MBD5: variants seen among roughly 807,000 people sequenced by gnomAD.
MBD5 encodes the protein methyl-CpG-binding domain protein 5.
MBD5 carries 13 observed loss-of-function variants against 117.3 expected under a neutral mutation model. The observed-to-expected ratio is 0.11, with a 90% confidence interval of 0.07 to 0.18. The LOEUF is 0.18. Ranked by LOEUF, MBD5 falls within the 10% of genes least tolerant of loss-of-function variation. The pLI is 1.00. For synonymous variants in MBD5, 727 were observed against 766.4 expected, an observed-to-expected ratio of 0.95 and a Z score of 0.85; for missense variants, 1,879 against 2,093.8, an observed-to-expected ratio of 0.90 and a Z score of 2.00.
rs1278795890 is a variant in MBD5 at position 148,412,280 on chromosome 2, G to T, written c.-556-45923G>T. ...GCCTTGTAGTATACTTTTTGTGTGT[G>T]TGTGTGTGTGTGTGTGTGTGTGTAG... On this transcript the variant is annotated intron_variant, in intron 4 of 13. Coordinates refer to ENST00000642680, the MANE Select transcript of MBD5 (RefSeq NM_001378120.1). 6.4e-3 allele frequency among the ~76,000 whole-genome samples: 970 copies of T among 150,938 alleles called. 10 individuals carry two copies. The highest frequency in any genetic ancestry group is 0.023 in the African/African-American group (926 of 40,852).
chr2:148,300,287 A>G lies in MBD5; in HGVS notation c.-679-41927A>G, dbSNP rs1326502751. On this transcript the variant is annotated intron_variant, in intron 3 of 13. Transcript: ENST00000642680. ...GCCAGGCTGGTCTCGAACTCCTGAC[A>G]TATCATCCACCTGCCTTGGCCTTCC... is the stretch of plus-strand genomic sequence containing the variant. Among the ~76,000 whole-genome samples the G allele has an allele frequency of 2.6e-5, 4 of 152,166 alleles. No homozygotes were observed. The East Asian group carries it at 7.7e-4, about 29-fold the overall frequency.
At chr2:148,330,033 A>ACCCCCCCCCCCCCCCCCCCCCCCCCCCCC (rs56712549) in intron 3 of MBD5, among the ~76,000 whole-genome samples, 1 of 17,690 alleles carries the variant, frequency 5.7e-5, no homozygotes, top group Non-Finnish European at 1.1e-4. Context: ...GTAGGTAAGA[A>ACCCCCCCCCCCCCCCCCCCCCCCCCCCCC]CCCCCCCCCG....
In MBD5 at chr2:148,485,840, C is replaced by A. The variant is rs770837583; in HGVS notation, c.3643C>A (p.Gln1215Lys). The A allele has an allele frequency of 1.2e-6, 2 of 1,614,110 alleles. No individual in the cohort carries two copies. The highest frequency in any genetic ancestry group is 2.2e-5 in the South Asian group (2 of 91,082). The stretch of plus-strand genomic sequence containing the variant: ...TCAGATGTTTCCTCCAAATCAGCAA[C>A]AGCAGCAACTTCTCCAGGGGTACCA... ...NNQMFPPNQQQQQLLQGYQNL... is the reference protein window; with the variant it reads ...NNQMFPPNQQKQQLLQGYQNL... Residue 1215 changes from glutamine to lysine, a missense_variant, in exon 10 of 14, where the codon CAG becomes AAG. Coordinates refer to ENST00000642680, the MANE Select transcript of MBD5 (RefSeq NM_001378120.1).
intron 7 of MBD5, among the ~76,000 whole-genome samples, chr2:148,467,792 A>G (rs767760958): frequency 1.3e-5 from 2 of 152,192 alleles, no homozygotes; most frequent in Non-Finnish European, 2.9e-5. Context: ...ATATTACGGT[A>G]TCTGTTCTGA....
At chr2:148,123,306 T>C (rs1696812487) in intron 1 of MBD5, among the ~76,000 whole-genome samples, 2 of 152,182 alleles carry the variant, frequency 1.3e-5, no homozygotes, top group Non-Finnish European at 2.9e-5. Context: ...ATGATATGAA[T>C]TGACATGAAG....
At chr2:148,473,399 A>G (rs1463478958) in intron 8 of MBD5, among the ~76,000 whole-genome samples, 1 of 152,146 alleles carries the variant, frequency 6.6e-6, no homozygotes, top group African/African-American at 2.4e-5. Context: ...CAAGCATGGT[A>G]GCACAGTGAG....
At chr2:148,109,109 A>G (rs1165972050) in intron 1 of MBD5, among the ~76,000 whole-genome samples, 1 of 152,156 alleles carries the variant, frequency 6.6e-6, no homozygotes, top group Admixed American at 6.5e-5. Flanking sequence ...TTGGCAATGT[A>G]TGTCCAAATT....
intron 1 of MBD5, among the ~76,000 whole-genome samples, chr2:148,065,839 A>G (rs930344332): frequency 6.6e-6 from 1 of 152,252 alleles, no homozygotes; most frequent in Non-Finnish European, 1.5e-5. Context: ...CCTGGAATAT[A>G]TACAAAACAA....
At chr2:148,051,445 G>T (rs1427311414) in intron 1 of MBD5, among the ~76,000 whole-genome samples, 1 of 149,844 alleles carries the variant, frequency 6.7e-6, no homozygotes, top group African/African-American at 2.5e-5. Context: ...TGGCTGGAAT[G>T]CTTAGTACAA....
At chr2:148,493,915 G>T (rs1311374602) in intron 11 of MBD5, among the ~76,000 whole-genome samples, 1 of 152,118 alleles carries the variant, frequency 6.6e-6, no homozygotes, top group Non-Finnish European at 1.5e-5. Flanking sequence ...CCTAATCTTA[G>T]CTCTGCCAGT....
In MBD5 at chr2:148,021,594, G is replaced by A; in HGVS notation, c.-1015G>A. 1 of 483,842 alleles carries A rather than the reference G, an allele frequency of 2.1e-6. No individual in the cohort carries two copies. The highest frequency in any genetic ancestry group is 1.7e-5 in the South Asian group (1 of 59,192). 30.0% of individuals were successfully genotyped at this position (483,842 alleles called of 1,614,324 possible). Reference sequence around the variant, plus strand: ...TCCCCAGCTCTCCTCCTCCTCCTTCGCCTCCTCCTCCTCCACTCCCCCCCT... The same window carrying A: ...TCCCCAGCTCTCCTCCTCCTCCTTCACCTCCTCCTCCTCCACTCCCCCCCT... On this transcript the variant is annotated 5_prime_UTR_variant, in exon 1 of 14. Coordinates refer to ENST00000642680, the MANE Select transcript of MBD5 (RefSeq NM_001378120.1).
chr2:148,161,098 A>G (rs945623946), intron 1 of MBD5, among the ~76,000 whole-genome samples: 4 of 152,230 alleles, frequency 2.6e-5, no homozygotes, highest in Admixed American at 2.6e-4. Context: ...TGGTACCGAT[A>G]TATAGTTTAC....
intron 1 of MBD5, among the ~76,000 whole-genome samples, chr2:148,130,906 G>A (rs1697029060): frequency 6.6e-6 from 1 of 152,150 alleles, no homozygotes; most frequent in Non-Finnish European, 1.5e-5. Flanking sequence ...CTCACCAAAG[G>A]TGATTAGAAT....
chr2:148,214,864 T>G (rs1699513109), intron 2 of MBD5, among the ~76,000 whole-genome samples: 1 of 152,202 alleles, frequency 6.6e-6, no homozygotes, highest in Admixed American at 6.5e-5. Context: ...GGCTCCATTT[T>G]CTCACCTGCC....
At chr2:148,311,584 G>T (rs1315476347) in intron 3 of MBD5, among the ~76,000 whole-genome samples, 1 of 152,030 alleles carries the variant, frequency 6.6e-6, no homozygotes, top group Non-Finnish European at 1.5e-5. Flanking sequence ...CACACTGATG[G>T]GTCCTGACTC....
At chr2:148,279,566 A>T (rs1701193814) in intron 3 of MBD5, among the ~76,000 whole-genome samples, 1 of 152,210 alleles carries the variant, frequency 6.6e-6, no homozygotes, top group South Asian at 2.1e-4. Context: ...AGTCAAGATG[A>T]CACCCACAAT....
chr2:148,156,075 G>A (rs1036185812), intron 1 of MBD5, among the ~76,000 whole-genome samples: 20 of 152,136 alleles, frequency 1.3e-4, no homozygotes, highest in Admixed American at 6.5e-5. Flanking sequence ...AAATCATCCC[G>A]GACAGGTACA....
In MBD5 at chr2:148,128,957, T is replaced by TG. The variant is rs138592691; in HGVS notation, c.-924-49742dup. The stretch of plus-strand genomic sequence containing the variant: ...TTGAATGTTTCTATCAGCATAACTT[T>TG]GCAAAGATCTAGTGCAAAGGTGTGA... On this transcript the variant is annotated intron_variant, in intron 1 of 13. Transcript: ENST00000642680. Among the ~76,000 whole-genome samples, 522 of 152,350 alleles carry TG rather than the reference T, an allele frequency of 3.4e-3. 3 individuals are homozygous for TG. The highest frequency in any genetic ancestry group is 0.012 in the African/African-American group (486 of 41,590).
At chr2:148,360,474 TGAG>T (rs1485981614) in intron 4 of MBD5, among the ~76,000 whole-genome samples, 4 of 152,234 alleles carry the variant, frequency 2.6e-5, no homozygotes, top group Non-Finnish European at 5.9e-5. Context: ...ACATAATAGA[TGAG>T]AAGTTCCTTT....
Sources: gnomAD v4.1 joint callset for allele counts (sites outside exome capture counted in the v4.1 genomes callset) on GRCh38, gnomAD v4.1.1 for gene constraint, MANE v1.5 for transcripts, NCBI Gene and HGNC (gene_info 2026-07-23, HGNC 2026-07-21) for gene names.